Variants in AFAP1 observed in about 807,000 individuals in gnomAD.
AFAP1 encodes actin filament associated protein 1.
In AFAP1, 75 loss-of-function variants were observed where a neutral mutation model predicts 93.9. That is an observed-to-expected ratio of 0.80 (90% CI 0.66 to 0.97). AFAP1 has a LOEUF of 0.97. Among genes scored for constraint, AFAP1 ranks in the 50% least tolerant of loss-of-function variants. AFAP1 has a pLI of 0.00. For synonymous variants in AFAP1, 517 were observed against 430.7 expected, an observed-to-expected ratio of 1.20 and a Z score of -2.48; for missense variants, 1,201 against 1,050.8, an observed-to-expected ratio of 1.14 and a Z score of -1.98.
chr4:7,906,703 C>T (rs1187884301), intron 1 of AFAP1, among the ~76,000 whole-genome samples: 1 of 152,250 alleles, frequency 6.6e-6, no homozygotes, highest in Non-Finnish European at 1.5e-5. Context: ...GACTCAAAAG[C>T]TGGCTTTTGT....
intron 4 of AFAP1, among the ~76,000 whole-genome samples, chr4:7,852,830 C>A (rs914873083): frequency 6.6e-5 from 10 of 152,102 alleles, no homozygotes; most frequent in Non-Finnish European, 2.9e-5. Flanking sequence ...CCCAGGCCCC[C>A]ACCATCTCAC....
intron 11 of AFAP1, among the ~76,000 whole-genome samples, chr4:7,791,194 T>C (rs544479350): frequency 1.3e-5 from 2 of 152,330 alleles, no homozygotes; most frequent in Admixed American, 6.5e-5. Flanking sequence ...AAAGGTCGTG[T>C]AATCTCAGCA....
chr4:7,897,311 C>T (rs6845014), intron 1 of AFAP1, among the ~76,000 whole-genome samples: 19,207 of 152,094 alleles, frequency 0.13, 1,408 homozygotes, highest in Non-Finnish European at 0.17. Flanking sequence ...TACGAACAAA[C>T]GGTAGGAAAA....
At chr4:7,781,844 G>A (rs920526132) in intron 12 of AFAP1, among the ~76,000 whole-genome samples, 5 of 152,078 alleles carry the variant, frequency 3.3e-5, no homozygotes, top group African/African-American at 9.7e-5. Context: ...CATGCAGGTG[G>A]ATTCAAAAGG....
chr4:7,850,705 G>A (rs1015522744), intron 4 of AFAP1, among the ~76,000 whole-genome samples: 4 of 152,242 alleles, frequency 2.6e-5, no homozygotes, highest in African/African-American at 9.6e-5. Context: ...TGCTGGTGTG[G>A]GGCAGCCATG....
intron 5 of AFAP1, among the ~76,000 whole-genome samples, chr4:7,842,059 T>C (rs1713080400): frequency 6.6e-6 from 1 of 152,182 alleles, no homozygotes. Context: ...CCACATCTTG[T>C]AGCCATTATA....
At chr4:7,860,144 ATAAATAAT>A (rs1195362428) in intron 3 of AFAP1, among the ~76,000 whole-genome samples, 2 of 150,662 alleles carry the variant, frequency 1.3e-5, no homozygotes, top group African/African-American at 5.0e-5. Context: ...GCTATCTCAA[ATAAATAAT>A]TGTTTGTAAA....
At chr4:7,784,647 A>G (rs6852138) in intron 12 of AFAP1, among the ~76,000 whole-genome samples, 8,372 of 152,200 alleles carry the variant, frequency 0.055, 789 homozygotes, top group African/African-American at 0.19. Flanking sequence ...GGTCCAGAGC[A>G]GCAGGAAGGA....
intron 8 of AFAP1, among the ~76,000 whole-genome samples, chr4:7,815,628 C>G (rs1401218057): frequency 6.6e-6 from 1 of 152,140 alleles, no homozygotes; most frequent in African/African-American, 2.4e-5. Flanking sequence ...GGTTTCTTGC[C>G]TCATTATCCA....
At chr4:7,928,013 C>T (rs1394098693) in intron 1 of AFAP1, among the ~76,000 whole-genome samples, 1 of 152,180 alleles carries the variant, frequency 6.6e-6, no homozygotes, top group Non-Finnish European at 1.5e-5. Flanking sequence ...CAAACCAATG[C>T]AGATACCCCA....
chr4:7,882,876 G>A (rs931836544), intron 1 of AFAP1, among the ~76,000 whole-genome samples: 2 of 151,384 alleles, frequency 1.3e-5, no homozygotes, highest in African/African-American at 4.9e-5. Context: ...ATGCAAAGGT[G>A]ATTCAATATT....
At chr4:7,841,480 A>G (rs1713009576) in intron 5 of AFAP1, among the ~76,000 whole-genome samples, 1 of 152,270 alleles carries the variant, frequency 6.6e-6, no homozygotes, top group Non-Finnish European at 1.5e-5. Flanking sequence ...ACCTGAGCAC[A>G]GAAGGAACAA....
chr4:7,872,390 G>A (rs1055256579), intron 1 of AFAP1: 4 of 233,540 alleles, frequency 1.7e-5, no homozygotes, highest in African/African-American at 6.8e-5. Context: ...TCAATTCCAC[G>A]ATATTAAATT....
At chr4:7,788,259 A>G (rs924596035) in intron 11 of AFAP1, among the ~76,000 whole-genome samples, 2 of 152,266 alleles carry the variant, frequency 1.3e-5, no homozygotes, top group African/African-American at 4.8e-5. Context: ...TGTGATCACC[A>G]GATGAAGAAA....
rs1713748689 is a variant in AFAP1, at chr4:7,761,264, T to C, written c.*2501A>G. The C allele has an allele frequency of 6.6e-6, 1 of 152,276 alleles. No individual in the cohort carries two copies. The highest frequency in any genetic ancestry group is 2.1e-4 in the South Asian group (1 of 4,838). 9.4% of individuals were successfully genotyped at this position (152,276 alleles called of 1,614,324 possible). A position where few individuals can be genotyped will look rare whatever the true frequency, so the allele number is the denominator to read the frequency against. ...AGTATCCGCCATGGAAGGAACCCACTGTCAGGCCCCTCCAGGGCACCCATT... is the reference window on the plus strand; with the variant it reads ...AGTATCCGCCATGGAAGGAACCCACCGTCAGGCCCCTCCAGGGCACCCATT... On this transcript the variant is annotated 3_prime_UTR_variant, in exon 18 of 18. Coordinates refer to ENST00000420658, the MANE Select transcript of AFAP1 (RefSeq NM_001134647.2).
At chr4:7,765,785 C>A (rs569636952) in intron 17 of AFAP1, among the ~76,000 whole-genome samples, 1 of 152,290 alleles carries the variant, frequency 6.6e-6, no homozygotes, top group Admixed American at 6.5e-5. Context: ...ACTGAGGGGC[C>A]TTGGAGAGGT....
At chr4:7,846,822 T>C (rs1713759962) in intron 4 of AFAP1, among the ~76,000 whole-genome samples, 3 of 152,120 alleles carry the variant, frequency 2.0e-5, no homozygotes, top group South Asian at 4.2e-4. Context: ...CATAAGACAT[T>C]AGTCTTATTC....
At chr4:7,869,293 C>T (rs1007681502) in intron 2 of AFAP1, among the ~76,000 whole-genome samples, 3 of 152,138 alleles carry the variant, frequency 2.0e-5, no homozygotes, top group Admixed American at 6.5e-5. Flanking sequence ...ATGGAAATGG[C>T]GGCACTAGTG....
rs1491006983 is a variant in AFAP1 at position 7,871,434 on chromosome 4, GAC to G, written c.127+516_127+517del. On this transcript the variant is annotated intron_variant, in intron 2 of 17. Transcript: ENST00000420658. ...GGACCGGACCCAAGTAAAAACCCTG[GAC>G]ACCGAGTCTCTGATGAGCCTGAATG... Among the ~76,000 whole-genome samples, 334 of 152,294 alleles carry G rather than the reference GAC, an allele frequency of 2.2e-3. 1 individual carries two copies. Among genetic ancestry groups the G allele is most frequent in the African/African-American group, 7.5e-3 (313 of 41,564 alleles).
Sources: allele counts gnomAD v4.1 joint callset (sites outside exome capture counted in the v4.1 genomes callset), GRCh38; gene constraint gnomAD v4.1.1; transcripts MANE v1.5; gene names NCBI Gene and HGNC (gene_info 2026-07-23, HGNC 2026-07-21).